THSD7B: variants seen among roughly 807,000 people sequenced by gnomAD.
THSD7B encodes thrombospondin type 1 domain containing 7B.
THSD7B carries 138 observed loss-of-function variants against 213.6 expected under a neutral mutation model. The observed-to-expected ratio is 0.65, with a 90% CI of 0.56 to 0.74. The LOEUF (loss-of-function observed/expected upper bound fraction) is 0.74. Among genes scored for constraint, THSD7B ranks in the 30% least tolerant of loss-of-function variants. The probability of loss-of-function intolerance (pLI) is 0.00; values close to 1 mark genes in which losing one functional copy is unlikely to be tolerated. For missense variants in THSD7B, 1,931 were observed against 1,991.5 expected, an observed-to-expected ratio of 0.97 and a Z score of 0.58; for synonymous variants, 742 against 687.0, an observed-to-expected ratio of 1.08 and a Z score of -1.25.
At chr2:137,284,335 C>G (rs1683114454) in intron 12 of THSD7B, among the ~76,000 whole-genome samples, 1 of 152,064 alleles carries the variant, frequency 6.6e-6, no homozygotes, top group Non-Finnish European at 1.5e-5. Context: ...TTTTGTTGAT[C>G]TTTTCAAAAA....
At chr2:137,671,116 A>C (rs1683562636) in intron 27 of THSD7B, among the ~76,000 whole-genome samples, 1 of 151,850 alleles carries the variant, frequency 6.6e-6, no homozygotes, top group African/African-American at 2.4e-5. Context: ...GCGATACAGC[A>C]CTTCTTTGGA....
At chr2:137,242,436 A>G (rs376355481) in intron 9 of THSD7B, 21 bp from the exon 10 acceptor site, 43 of 1,589,850 alleles carry the variant, frequency 2.7e-5, no homozygotes, top group East Asian at 8.9e-5. Context: ...AGGCATTGAC[A>G]TGGTCTTTTC....
chr2:137,523,140 G>T (rs924470556), intron 15 of THSD7B, among the ~76,000 whole-genome samples: 1 of 150,492 alleles, frequency 6.6e-6, no homozygotes, highest in Non-Finnish European at 1.5e-5. Flanking sequence ...AATGGACTAG[G>T]CATATAATCA....
At chr2:136,924,003 G>T (rs775763201) in intron 2 of THSD7B, among the ~76,000 whole-genome samples, 1 of 152,240 alleles carries the variant, frequency 6.6e-6, no homozygotes, top group Admixed American at 6.5e-5. Flanking sequence ...TGTGCTTTAG[G>T]TGTCATATCC....
At chr2:136,864,390 GAAT>G (rs1683300411) in intron 1 of THSD7B, among the ~76,000 whole-genome samples, 1 of 152,038 alleles carries the variant, frequency 6.6e-6, no homozygotes, top group Admixed American at 6.5e-5. Flanking sequence ...GGACAAAGAA[GAAT>G]AAAATCTCTC....
intron 14 of THSD7B, among the ~76,000 whole-genome samples, chr2:137,427,382 C>G (rs1687082996): frequency 6.6e-6 from 1 of 151,942 alleles, no homozygotes; most frequent in South Asian, 2.1e-4. Context: ...TTCACAACAG[C>G]CAAGATATGA....
intron 12 of THSD7B, among the ~76,000 whole-genome samples, chr2:137,379,287 T>A (rs1273626195): frequency 1.3e-5 from 2 of 152,216 alleles, no homozygotes; most frequent in African/African-American, 4.8e-5. Flanking sequence ...TATCTTTCCG[T>A]AAGCAAGTTT....
At chr2:136,801,008 G>T (rs1682168611) in intron 1 of THSD7B, among the ~76,000 whole-genome samples, 1 of 151,994 alleles carries the variant, frequency 6.6e-6, no homozygotes, top group Non-Finnish European at 1.5e-5. Flanking sequence ...TTGCCAGGTA[G>T]ACCTGGAGTT....
intron 2 of THSD7B, among the ~76,000 whole-genome samples, chr2:137,023,255 T>G (rs1423022824): frequency 6.6e-6 from 1 of 152,060 alleles, no homozygotes; most frequent in Non-Finnish European, 1.5e-5. Context: ...GTTTTCTGAG[T>G]TCATCTGGAG....
At chr2:137,544,963 G>A (rs1443357603) in intron 15 of THSD7B, among the ~76,000 whole-genome samples, 1 of 151,708 alleles carries the variant, frequency 6.6e-6, no homozygotes, top group Non-Finnish European at 1.5e-5. Context: ...TAGTGATTGG[G>A]CATCTCTTGT....
rs77042780 is a variant in THSD7B, at chr2:136,937,757, G to A, written c.139+55440G>A. Among the ~76,000 whole-genome samples, 975 of 152,274 alleles carry A rather than the reference G, an allele frequency of 6.4e-3. 11 individuals carry two copies. Among genetic ancestry groups the A allele is most frequent in the African/African-American group, 0.022 (903 of 41,540 alleles). On this transcript the variant is annotated intron_variant, in intron 2 of 27. Transcript: ENST00000409968. ...CACTTTCTTGTAATGGAAGAGACCT[G>A]CTTCTTAGATGTAGCGTGGGTACTT...
chr2:137,456,999 A>T (rs117740695), intron 15 of THSD7B, among the ~76,000 whole-genome samples: 2 of 152,236 alleles, frequency 1.3e-5, no homozygotes, highest in East Asian at 3.9e-4. Flanking sequence ...GCACTAATTG[A>T]GCTGAATGGA....
chr2:137,112,985 TG>T (rs1688375872), intron 4 of THSD7B, among the ~76,000 whole-genome samples: 1 of 152,216 alleles, frequency 6.6e-6, no homozygotes, highest in African/African-American at 2.4e-5. Context: ...CAAACCAAGT[TG>T]GTTGGACTCC....
At chr2:137,095,564 G>T (rs1010725878) in intron 4 of THSD7B, among the ~76,000 whole-genome samples, 1 of 152,156 alleles carries the variant, frequency 6.6e-6, no homozygotes, top group East Asian at 1.9e-4. Flanking sequence ...TGTAGGTAAG[G>T]AGTGGCAGTA....
At chr2:137,041,695 C>T (rs953734324) in intron 2 of THSD7B, among the ~76,000 whole-genome samples, 4 of 149,956 alleles carry the variant, frequency 2.7e-5, no homozygotes, top group South Asian at 4.2e-4. Context: ...ATATATAAGC[C>T]AATTCTGTTT....
At chr2:136,846,128 G>A (rs1683006169) in intron 1 of THSD7B, among the ~76,000 whole-genome samples, 1 of 152,114 alleles carries the variant, frequency 6.6e-6, no homozygotes, top group Non-Finnish European at 1.5e-5. Context: ...TTGAATCAAG[G>A]GTGGGGTGTG....
At chr2:137,668,702 T>C (rs923805200) in intron 27 of THSD7B, among the ~76,000 whole-genome samples, 75 of 152,248 alleles carry the variant, frequency 4.9e-4, no homozygotes, top group African/African-American at 1.7e-3. Context: ...TCAGAAGCCT[T>C]ACCAATAACA....
chr2:137,075,637 G>A (rs372915108), intron 3 of THSD7B, among the ~76,000 whole-genome samples: 11 of 152,148 alleles, frequency 7.2e-5, no homozygotes, highest in South Asian at 2.1e-4. Context: ...GAGGAGCTGC[G>A]TTCCTTTGGA....
chr2:137,657,268 T>G, intron 24 of THSD7B, 108 bp downstream of exon 24: 1 of 999,370 alleles, frequency 1.0e-6, no homozygotes, highest in Non-Finnish European at 1.4e-6. Flanking sequence ...CTTGGGCAGG[T>G]AGCTTAGATG....
Sources: gnomAD v4.1 joint callset for allele counts (sites outside exome capture counted in the v4.1 genomes callset) on GRCh38, gnomAD v4.1.1 for gene constraint, MANE v1.5 for transcripts, NCBI Gene and HGNC (gene_info 2026-07-23, HGNC 2026-07-21) for gene names.